The following APH1B variants were observed in gnomAD, a reference collection of about 807,000 sequenced individuals.
APH1B encodes aph-1B gamma-secretase subunit.
APH1B carries 27 observed loss-of-function variants against 28.2 expected under a neutral mutation model. The ratio of observed to expected loss-of-function variants is 0.96; its 90% CI spans 0.70 to 1.32. The LOEUF is 1.32. APH1B is among the 40% of genes most tolerant of loss of function. The pLI, the probability that APH1B is intolerant of heterozygous loss-of-function variation, is 0.00. For missense variants in APH1B, 305 were observed against 313.6 expected, an observed-to-expected ratio of 0.97 and a Z score of 0.21; for synonymous variants, 141 against 124.6, an observed-to-expected ratio of 1.13 and a Z score of -0.88.
Position 63,304,220 on chromosome 15 carries a change from G to A in APH1B, c.607-1394G>A, listed in dbSNP as rs1003768245. Among the ~76,000 whole-genome samples the A allele has an allele frequency of 6.6e-6, 1 of 152,210 alleles. No homozygotes were observed. The highest frequency in any genetic ancestry group is 1.5e-5 in the Non-Finnish European group (1 of 68,036). ...ACAGAAATACCAAAAGGCAGCACCA[G>A]GCTGTGGTGTTGAAGCCAGCGTCAT... On this transcript the variant is annotated intron_variant, in intron 5 of 5. Transcript: ENST00000261879. This position sits in a 1 kb window ranked among gnomAD's most constrained non-coding sequence, Gnocchi z 5.1.
At chr15:63,277,807 G>A in intron 1 of APH1B, 71 bp downstream of exon 1, 1 of 1,457,042 alleles carries the variant, frequency 6.9e-7, no homozygotes, top group Non-Finnish European at 9.4e-7. Flanking sequence ...CGCGACCCTC[G>A]GCGCCCCCAC....
At chr15:63,305,557 C>T in intron 5 of APH1B, 57 bp from the exon 6 acceptor site, 3 of 1,575,452 alleles carry the variant, frequency 1.9e-6, no homozygotes, top group Non-Finnish European at 2.6e-6. Context: ...TTTGGTTATT[C>T]CACATGTTTA....
Position 63,279,254 on chromosome 15 carries a change from A to T in APH1B, c.207A>T (p.Lys69Asn). Residue 69 changes from lysine to asparagine, a missense_variant, in exon 2 of 6, where the codon AAA (lysine) becomes AAT (asparagine). Physicochemically the swap from Lys to Asn is moderately conservative, Grantham distance 94 (BLOSUM62 0). Coordinates refer to ENST00000261879, the MANE Select transcript of APH1B (RefSeq NM_031301.4). ...ACAACAAAGATGGACCAACACAGAA[A>T]TATCTGCTGATCTTTGGAGCGTTTG... Reference protein sequence around the residue: ...IIDNKDGPTQKYLLIFGAFVS... With the variant: ...IIDNKDGPTQNYLLIFGAFVS... 1 of 1,613,202 alleles carries T rather than the reference A, an allele frequency of 6.2e-7. No homozygotes were observed. Among genetic ancestry groups the T allele is most frequent in the Non-Finnish European group, 8.5e-7 (1 of 1,179,296 alleles).
chr15:63,300,801 A>G (rs1207665353), intron 4 of APH1B, among the ~76,000 whole-genome samples: 4 of 152,246 alleles, frequency 2.6e-5, no homozygotes, highest in Non-Finnish European at 5.9e-5. Flanking sequence ...ATTCATATCA[A>G]TGAAATAATA....
intron 2 of APH1B, 29 bp downstream of exon 2, chr15:63,279,360 T>G: frequency 1.3e-6 from 2 of 1,565,614 alleles, no homozygotes; most frequent in Non-Finnish European, 1.7e-6. Context: ...TTACCTTTTT[T>G]TTCCCCAGTT....
intron 4 of APH1B, among the ~76,000 whole-genome samples, chr15:63,294,703 T>C (rs1735600373): frequency 6.6e-6 from 1 of 152,270 alleles, no homozygotes; most frequent in Non-Finnish European, 1.5e-5. Flanking sequence ...TGAGGTTTAC[T>C]TTAATGGGTG....
At chr15:63,296,371 T>A (rs2038567919) in intron 4 of APH1B, among the ~76,000 whole-genome samples, 1 of 152,242 alleles carries the variant, frequency 6.6e-6, no homozygotes, top group Non-Finnish European at 1.5e-5. Flanking sequence ...TCCTCCTTTG[T>A]CTGTGGCTGC....
Position 63,305,771 on chromosome 15 carries a change from G to T in APH1B, c.764G>T (p.Arg255Leu). Residue 255 changes from arginine to leucine, a missense_variant, in exon 6 of 6, where the codon CGC (arginine) becomes CTC (leucine). Physicochemically the swap from Arg to Leu is moderately radical, Grantham distance 102. Transcript: ENST00000261879. ...QDKNFLLYNQ[R>L]SR ...AAGAACTTTCTTCTTTACAACCAGCGCTCCAGATAACCTCAGGGAACCAGC... is the reference window on the plus strand; with the variant it reads ...AAGAACTTTCTTCTTTACAACCAGCTCTCCAGATAACCTCAGGGAACCAGC... The T allele has an allele frequency of 6.2e-7, 1 of 1,613,820 alleles. No individual in the cohort carries two copies. The highest frequency in any genetic ancestry group is 1.7e-4 in the Middle Eastern group (1 of 6,060).
intron 4 of APH1B, among the ~76,000 whole-genome samples, chr15:63,291,404 C>T (rs1247728317): frequency 6.6e-6 from 1 of 152,198 alleles, no homozygotes; most frequent in African/African-American, 2.4e-5. Flanking sequence ...CTAGACAGTG[C>T]ACTTAAAACC....
chr15:63,285,964 A>G (rs1378210574), intron 2 of APH1B, among the ~76,000 whole-genome samples: 1 of 152,214 alleles, frequency 6.6e-6, no homozygotes, highest in Non-Finnish European at 1.5e-5. Context: ...GAGAGTTCAG[A>G]CCATCAGTAT....
intron 2 of APH1B, among the ~76,000 whole-genome samples, chr15:63,284,506 G>A (rs1450626323): frequency 6.6e-6 from 1 of 152,142 alleles, no homozygotes; most frequent in Non-Finnish European, 1.5e-5. Context: ...GGGCCACTGC[G>A]CCTGGCCAAT....
intron 1 of APH1B, chr15:63,278,009 A>G (rs1273214677): frequency 6.1e-6 from 3 of 488,670 alleles, no homozygotes; most frequent in East Asian, 3.7e-5. Flanking sequence ...AAAATTATGG[A>G]TAAGTTCATA....
Position 63,302,630 on chromosome 15 carries a change from A to C in APH1B, c.606+158A>C, listed in dbSNP as rs2038644884. 5.2e-6 allele frequency: 5 copies of C among 958,988 alleles called. No individual in the cohort carries two copies. In the South Asian group the frequency reaches 1.2e-4, roughly 23 times the overall value. The allele number at this position is 958,988 out of a possible 1,614,324, so 59.4% of individuals were successfully genotyped here. A position where few individuals can be genotyped will look rare whatever the true frequency, so the allele number is the denominator to read the frequency against. ...GAATGAGTCATGTAAGTCTTACCACAAAAAGACCACCACTATTAATTTTTT... is the reference window on the plus strand; with the variant it reads ...GAATGAGTCATGTAAGTCTTACCACCAAAAGACCACCACTATTAATTTTTT... On this transcript the variant is annotated intron_variant, in intron 5 of 5. Transcript: ENST00000261879.
In APH1B at chr15:63,306,023, T is replaced by C; in HGVS notation, c.*242T>C. On this transcript the variant is annotated 3_prime_UTR_variant, in exon 6 of 6. Transcript: ENST00000261879. ...AAGCCGACTGATTCTGGGCTCCACCTTCCAGAGCTAATTGGCCTGGGCACG... is the reference window on the plus strand; with the variant it reads ...AAGCCGACTGATTCTGGGCTCCACCCTCCAGAGCTAATTGGCCTGGGCACG... 2.2e-6 allele frequency: 1 copy of C among 451,126 alleles called. No individual in the cohort carries two copies. Among genetic ancestry groups the C allele is most frequent in the Non-Finnish European group, 3.8e-6 (1 of 259,904 alleles). The allele number at this position is 451,126 out of a possible 1,614,324, so 27.9% of individuals were successfully genotyped here. A position where few individuals can be genotyped will look rare whatever the true frequency, so the allele number is the denominator to read the frequency against.
At chr15:63,277,996 A>G in intron 1 of APH1B, 1 of 519,362 alleles carries the variant, frequency 1.9e-6, no homozygotes, top group Non-Finnish European at 3.4e-6. Context: ...AAAGTTGTAT[A>G]AAAAAATTAT....
At chr15:63,287,617 T>C in intron 4 of APH1B, 71 bp downstream of exon 4, 1 of 1,530,686 alleles carries the variant, frequency 6.5e-7, no homozygotes, top group Non-Finnish European at 8.8e-7. Flanking sequence ...GTTCACTGGC[T>C]TAGGAATTTC....
rs199609321 is a variant in APH1B, at chr15:63,279,291, A to G, written c.244A>G (p.Ile82Val). 49 of 1,610,750 alleles carry G rather than the reference A, an allele frequency of 3.0e-5. No homozygotes were observed. Among genetic ancestry groups the G allele is most frequent in the Non-Finnish European group, 4.1e-5 (48 of 1,177,430 alleles). Residue 82 changes from isoleucine (I) to valine (V), a missense_variant, in exon 2 of 6, where the codon ATC becomes GTC. By Grantham distance (29) the Ile-to-Val change is conservative. Coordinates refer to ENST00000261879, the MANE Select transcript of APH1B (RefSeq NM_031301.4). ...LIFGAFVSVY[I>V]QEMFRFAYYK... Reference sequence around the variant, plus strand: ...CTTTGGAGCGTTTGTCTCTGTCTATATCCAAGAAATGTTCCGATTTGCATA... The same window carrying G: ...CTTTGGAGCGTTTGTCTCTGTCTATGTCCAAGAAATGTTCCGATTTGCATA...
Position 63,307,215 on chromosome 15 carries a change from T to A in APH1B, c.*1434T>A, listed in dbSNP as rs76119745. 1 of 152,248 alleles carries A rather than the reference T, an allele frequency of 6.6e-6. No individual in the cohort carries two copies. The highest frequency in any genetic ancestry group is 2.4e-5 in the African/African-American group (1 of 41,526). The allele number at this position is 152,248 out of a possible 1,614,324, so 9.4% of individuals were successfully genotyped here. A position where few individuals can be genotyped will look rare whatever the true frequency, so the allele number is the denominator to read the frequency against. On this transcript the variant is annotated 3_prime_UTR_variant, in exon 6 of 6. Coordinates refer to ENST00000261879, the MANE Select transcript of APH1B (RefSeq NM_031301.4). ...GGACGGATGGGCGGGTTTGACAGAT[T>A]GTGGTGGGAAGAAGAATGATCATGT...
chr15:63,290,960 G>C (rs959125), intron 4 of APH1B, among the ~76,000 whole-genome samples: 108,079 of 151,950 alleles, frequency 0.71, 38,770 homozygotes, highest in East Asian at 0.88. Context: ...AAAGATGTTC[G>C]AGGCAGAGGG....
Sources: allele counts gnomAD v4.1 joint callset (sites outside exome capture counted in the v4.1 genomes callset), GRCh38; gene constraint gnomAD v4.1.1; non-coding constraint Gnocchi (gnomAD v3.1); transcripts MANE v1.5; gene names NCBI Gene and HGNC (gene_info 2026-07-23, HGNC 2026-07-21).